The following KCND3 variants were observed in gnomAD, a reference collection of about 807,000 sequenced individuals.
The protein encoded by KCND3 is potassium voltage-gated channel subfamily D member 3, also known as A-type voltage-gated potassium channel KCND3.
Under a neutral mutation model 51.1 loss-of-function variants are expected in KCND3, and 9 were observed. That is an observed-to-expected ratio of 0.18 (90% CI 0.11 to 0.31). KCND3 has a LOEUF of 0.31. Ranked by LOEUF, KCND3 falls within the 10% of genes least tolerant of loss-of-function variation. KCND3 has a pLI of 1.00. For missense variants in KCND3, 526 were observed against 903.8 expected (o/e 0.58, Z 5.36); for synonymous variants, 349 against 368.0 (o/e 0.95, Z 0.59).
chr1:111,937,584 C>G (rs1247995958), intron 2 of KCND3, among the ~76,000 whole-genome samples: 2 of 152,214 alleles, frequency 1.3e-5, no homozygotes, highest in Admixed American at 6.5e-5. Flanking sequence ...CAGAACGCTT[C>G]TGGCTCATTG....
At chr1:111,950,052 A>G (rs998924016) in intron 2 of KCND3, among the ~76,000 whole-genome samples, 1 of 152,152 alleles carries the variant, frequency 6.6e-6, no homozygotes. Flanking sequence ...CTGGGATTAC[A>G]GGTGCATGCC....
At chr1:111,949,240 G>C (rs972882366) in intron 2 of KCND3, among the ~76,000 whole-genome samples, 6 of 152,338 alleles carry the variant, frequency 3.9e-5, no homozygotes, top group African/African-American at 1.4e-4. Context: ...ATCTCCGGGT[G>C]CCTTGGTTTC....
intron 2 of KCND3, among the ~76,000 whole-genome samples, chr1:111,922,819 C>T (rs1364962810): frequency 6.6e-6 from 1 of 152,230 alleles, no homozygotes; most frequent in Non-Finnish European, 1.5e-5. Context: ...GTTGCCTCAT[C>T]TGTAGGAGAA....
chr1:111,840,305 C>G (rs1364348427), intron 2 of KCND3, among the ~76,000 whole-genome samples: 1 of 152,212 alleles, frequency 6.6e-6, no homozygotes, highest in Non-Finnish European at 1.5e-5. Context: ...TTGCAGAGTA[C>G]TGTGCCCCCT....
At chr1:111,956,257 G>A (rs1673334704) in intron 2 of KCND3, among the ~76,000 whole-genome samples, 1 of 152,058 alleles carries the variant, frequency 6.6e-6, no homozygotes, top group Non-Finnish European at 1.5e-5. Context: ...TGACCCCTGT[G>A]CATCTGGAGC....
chr1:111,953,265 G>A (rs1274903259), intron 2 of KCND3, among the ~76,000 whole-genome samples: 1 of 152,164 alleles, frequency 6.6e-6, no homozygotes, highest in Non-Finnish European at 1.5e-5. Context: ...AAAATAAAAA[G>A]CTTGTTGGAG....
At chr1:111,900,177 CA>C (rs1670320252) in intron 2 of KCND3, among the ~76,000 whole-genome samples, 1 of 152,166 alleles carries the variant, frequency 6.6e-6, no homozygotes, top group African/African-American at 2.4e-5. Context: ...ACATCTCTCC[CA>C]AGAGACCCCT....
intron 2 of KCND3, among the ~76,000 whole-genome samples, chr1:111,975,177 T>C (rs1355648055): frequency 6.6e-6 from 1 of 152,208 alleles, no homozygotes; most frequent in Non-Finnish European, 1.5e-5. Flanking sequence ...TCCACCCAGA[T>C]ACAGATGCTG....
intron 2 of KCND3, among the ~76,000 whole-genome samples, chr1:111,899,557 C>T (rs999050613): frequency 1.3e-5 from 2 of 152,238 alleles, no homozygotes; most frequent in African/African-American, 4.8e-5. Context: ...TGATTTCGCA[C>T]TCCCTCCACC....
intron 2 of KCND3, among the ~76,000 whole-genome samples, chr1:111,962,608 A>C (rs1220119418): frequency 6.6e-6 from 1 of 152,104 alleles, no homozygotes; most frequent in Admixed American, 6.5e-5. Context: ...AACAACTTGG[A>C]CTTTTGATCA....
intron 2 of KCND3, among the ~76,000 whole-genome samples, chr1:111,925,058 A>G (rs2101846750): frequency 6.6e-6 from 1 of 152,268 alleles, no homozygotes. Flanking sequence ...CCTCACCTCA[A>G]ATGCCCCTTT....
chr1:111,785,997 G>T (rs542801447), intron 3 of KCND3, among the ~76,000 whole-genome samples: 1 of 152,234 alleles, frequency 6.6e-6, no homozygotes, highest in Non-Finnish European at 1.5e-5. Flanking sequence ...CCTCCTGTCC[G>T]TTGTCCTCAG....
chr1:111,933,467 C>G (rs1053462480), intron 2 of KCND3, among the ~76,000 whole-genome samples: 7 of 152,210 alleles, frequency 4.6e-5, no homozygotes, highest in African/African-American at 1.7e-4. Context: ...TACCATTCCA[C>G]ATTGAGTGTC....
At chr1:111,788,335 G>A (rs1233808580) in intron 2 of KCND3, among the ~76,000 whole-genome samples, 1 of 152,222 alleles carries the variant, frequency 6.6e-6, no homozygotes, top group Non-Finnish European at 1.5e-5. Flanking sequence ...AGGATGACCA[G>A]GAATTGTTTC....
At chr1:111,952,128 C>T (rs1673090035) in intron 2 of KCND3, among the ~76,000 whole-genome samples, 1 of 152,202 alleles carries the variant, frequency 6.6e-6, no homozygotes, top group African/African-American at 2.4e-5. Context: ...TAACAGGACA[C>T]AGTTACTGTC....
In KCND3 at chr1:111,975,782, C is replaced by A. The variant is rs1674595802; in HGVS notation, c.1106+5839G>T. Among the ~76,000 whole-genome samples, 4 of 152,152 alleles carry A rather than the reference C, an allele frequency of 2.6e-5. No homozygotes were observed. In the South Asian group the frequency reaches 8.3e-4, roughly 32 times the overall value. On this transcript the variant is annotated intron_variant, in intron 2 of 7. Transcript: ENST00000302127. ...TGCTCTTGCAGCTTGACCATTTGGA[C>A]CTTCTTACTTTTTCAAGAACAGCAC... is the stretch of plus-strand genomic sequence containing the variant.
chr1:111,859,817 A>C (rs1295997291), intron 2 of KCND3, among the ~76,000 whole-genome samples: 2 of 152,254 alleles, frequency 1.3e-5, no homozygotes, highest in Non-Finnish European at 2.9e-5. Context: ...AGTTCTTTAC[A>C]TGCATAAAGT....
chr1:111,917,477 A>G (rs1476702280), intron 2 of KCND3, among the ~76,000 whole-genome samples: 16 of 152,224 alleles, frequency 1.1e-4, no homozygotes, highest in Admixed American at 1.0e-3. Context: ...ATGATTACAG[A>G]ACGGAACTGA....
At chr1:111,935,419 T>G (rs1672173082) in intron 2 of KCND3, among the ~76,000 whole-genome samples, 1 of 152,152 alleles carries the variant, frequency 6.6e-6, no homozygotes, top group South Asian at 2.1e-4. Flanking sequence ...TTTTACTCAT[T>G]TACATGGAGA....
Sources: gnomAD v4.1 joint callset for allele counts (sites outside exome capture counted in the v4.1 genomes callset) on GRCh38, gnomAD v4.1.1 for gene constraint, MANE v1.5 for transcripts, NCBI Gene and HGNC (gene_info 2026-07-23, HGNC 2026-07-21) for gene names.